FOXRED1: variants seen among roughly 807,000 people sequenced by gnomAD.
FOXRED1 encodes the protein FAD-dependent oxidoreductase domain-containing protein 1.
In FOXRED1, 52 loss-of-function variants were observed where a neutral mutation model predicts 57.8. The ratio of observed to expected loss-of-function variants is 0.90; its 90% CI spans 0.72 to 1.13. The LOEUF is 1.13. Among genes scored for constraint, FOXRED1 ranks in the 50% most tolerant of loss-of-function variants. FOXRED1 has a pLI of 0.00. For missense variants in FOXRED1, 589 were observed against 625.2 expected (o/e 0.94, Z 0.62); for synonymous variants, 271 against 248.3 (o/e 1.09, Z -0.86).
In FOXRED1 at chr11:126,272,944, C is replaced by G. The variant is rs758629736; in HGVS notation, c.307-25C>G. 8.6e-7 allele frequency: 1 copy of G among 1,162,782 alleles called. No homozygotes were observed. Among genetic ancestry groups the G allele is most frequent in the African/African-American group, 1.5e-5 (1 of 66,450 alleles). The allele number at this position is 1,162,782 out of a possible 1,614,324, so 72.0% of individuals were successfully genotyped here. A position where few individuals can be genotyped will look rare whatever the true frequency, so the allele number is the denominator to read the frequency against. ...CACATGTGATAGGGTACTGGTCTAC[C>G]TCAACTTTTCTTGTCTTTCCACAGT... On this transcript the variant is annotated intron_variant, in intron 2 of 10. Transcript: ENST00000263578. This position sits in a 1 kb window ranked among gnomAD's most constrained non-coding sequence, Gnocchi z 4.6.
In FOXRED1 at chr11:126,273,154, C is replaced by A; in HGVS notation, c.417+75C>A. 1 of 1,025,318 alleles carries A rather than the reference C, an allele frequency of 9.8e-7. No individual in the cohort carries two copies. The allele number at this position is 1,025,318 out of a possible 1,614,324, so 63.5% of individuals were successfully genotyped here. Reference sequence around the variant, plus strand: ...CCAGAGTGGGGAGCAGCCCAGCTAGCAAGGTAGCCAGAGAGCAAGAATGGG... The same window carrying A: ...CCAGAGTGGGGAGCAGCCCAGCTAGAAAGGTAGCCAGAGAGCAAGAATGGG... On this transcript the variant is annotated intron_variant, in intron 3 of 10. Transcript: ENST00000263578. The surrounding 1 kb of genome is among the most constrained non-coding windows in gnomAD (Gnocchi z 5.9).
Position 126,271,151 on chromosome 11 carries a change from G to T in FOXRED1, c.86-286G>T, listed in dbSNP as rs1465953518. 2.5e-6 allele frequency: 1 copy of T among 396,022 alleles called. No individual in the cohort carries two copies. Among genetic ancestry groups the T allele is most frequent in the East Asian group, 5.9e-5 (1 of 17,056 alleles). 24.5% of individuals were successfully genotyped at this position (396,022 alleles called of 1,614,324 possible). On this transcript the variant is annotated intron_variant, in intron 1 of 10. Coordinates refer to ENST00000263578, the MANE Select transcript of FOXRED1 (RefSeq NM_017547.4). The surrounding 1 kb of genome is among the most constrained non-coding windows in gnomAD (Gnocchi z 5.3). ...GATGACAGTGCAGTTGAATATGTGA[G>T]TTGGGATCAGGAGAGGTCTATGCAG...
chr11:126,269,404 T>C (rs1950909456), intron 1 of FOXRED1, 113 bp downstream of exon 1: 1 of 1,590,608 alleles, frequency 6.3e-7, no homozygotes, highest in East Asian at 2.3e-5. Flanking sequence ...GTGGGTCGGC[T>C]TGGGGAAGGG....
Position 126,275,590 on chromosome 11 carries a change from T to G in FOXRED1, c.733+162T>G, listed in dbSNP as rs1463268685. 1.6e-5 allele frequency: 12 copies of G among 727,888 alleles called. No individual in the cohort carries two copies. Among genetic ancestry groups the G allele is most frequent in the Middle Eastern group, 6.2e-4 (2 of 3,210 alleles). 45.1% of individuals were successfully genotyped at this position (727,888 alleles called of 1,614,324 possible). A position where few individuals can be genotyped will look rare whatever the true frequency, so the allele number is the denominator to read the frequency against. ...GCTCCTCACTGATCTGCGTTGTGAC[T>G]TGTGATCTGCTTGATGATTGCACCT... On this transcript the variant is annotated intron_variant, in intron 6 of 10. Transcript: ENST00000263578. This position sits in a 1 kb window ranked among gnomAD's most constrained non-coding sequence, Gnocchi z 5.9.
Position 126,275,752 on chromosome 11 carries a change from T to C in FOXRED1, c.734-42T>C. On this transcript the variant is annotated intron_variant, in intron 6 of 10. Coordinates refer to ENST00000263578, the MANE Select transcript of FOXRED1 (RefSeq NM_017547.4). The surrounding 1 kb of genome is among the most constrained non-coding windows in gnomAD (Gnocchi z 5.9). ...CAGTGAAATCCCCATTTCATTCCTC[T>C]TCAGCACCTCTACGGCCTATTTTTC... The C allele has an allele frequency of 7.5e-7, 1 of 1,340,530 alleles. No homozygotes were observed. Among genetic ancestry groups the C allele is most frequent in the Non-Finnish European group, 1.1e-6 (1 of 931,502 alleles). The allele number at this position is 1,340,530 out of a possible 1,614,324, so 83.0% of individuals were successfully genotyped here.
Position 126,276,537 on chromosome 11 carries a change from G to T in FOXRED1, c.1101+14G>T. 1 of 1,602,116 alleles carries T rather than the reference G, an allele frequency of 6.2e-7. No homozygotes were observed. The highest frequency in any genetic ancestry group is 8.5e-7 in the Non-Finnish European group (1 of 1,173,078). The stretch of plus-strand genomic sequence containing the variant: ...AGCCCCACTGAGGTAAGCTGAGTGG[G>T]GTGGGACATGCTGGCAAGGAGACAT... On this transcript the variant is annotated intron_variant, in intron 9 of 10. Coordinates refer to ENST00000263578, the MANE Select transcript of FOXRED1 (RefSeq NM_017547.4).
In FOXRED1 at chr11:126,273,375, C is replaced by A; in HGVS notation, c.457C>A (p.Arg153=). 6.2e-7 allele frequency: 1 copy of A among 1,614,024 alleles called. No individual in the cohort carries two copies. Among genetic ancestry groups the A allele is most frequent in the Non-Finnish European group, 8.5e-7 (1 of 1,180,006 alleles). The change falls in exon 4 of 11, where the codon CGG becomes AGG. Residue 153 remains arginine (R), a synonymous_variant. Coordinates refer to ENST00000263578, the MANE Select transcript of FOXRED1 (RefSeq NM_017547.4). This position sits in a 1 kb window ranked among gnomAD's most constrained non-coding sequence, Gnocchi z 5.9. ...AVVDAPPLDL[R]FNPSGYLLLA... is the part of the protein sequence containing the mutation. ...AGTCGATGCTCCTCCCCTGGACCTC[C>A]GGTTCAACCCCTCGGGCTACCTCTT...
rs1472359998 is a variant in FOXRED1, at chr11:126,275,638, G to A, written c.734-156G>A. 1 of 725,092 alleles carries A rather than the reference G, an allele frequency of 1.4e-6. No homozygotes were observed. Among genetic ancestry groups the A allele is most frequent in the East Asian group, 2.7e-5 (1 of 37,350 alleles). 44.9% of individuals were successfully genotyped at this position (725,092 alleles called of 1,614,324 possible). A position where few individuals can be genotyped will look rare whatever the true frequency, so the allele number is the denominator to read the frequency against. On this transcript the variant is annotated intron_variant, in intron 6 of 10. Transcript: ENST00000263578. The surrounding 1 kb of genome is among the most constrained non-coding windows in gnomAD (Gnocchi z 5.9). ...CCTGAGCACTGTCCTGTCAGAGTGTGGCCAAGCTCATGCCAGCTCCCTCAT... is the reference window on the plus strand; with the variant it reads ...CCTGAGCACTGTCCTGTCAGAGTGTAGCCAAGCTCATGCCAGCTCCCTCAT...
In FOXRED1 at chr11:126,275,369, A is replaced by G. The variant is rs1407778009; in HGVS notation, c.674A>G (p.Gln225Arg). ...EGWFDPWCLL[Q>R]GLRRKVQSLG... is the part of the protein sequence containing the mutation. ...TGGTTTGACCCCTGGTGTCTGCTCC[A>G]GGGGCTTCGGCGAAAGGTCCAGTCC... Residue 225 changes from glutamine to arginine, a missense_variant, in exon 6 of 11, where the codon CAG becomes CGG. Coordinates refer to ENST00000263578, the MANE Select transcript of FOXRED1 (RefSeq NM_017547.4). This position sits in a 1 kb window ranked among gnomAD's most constrained non-coding sequence, Gnocchi z 5.9. 1 of 1,614,054 alleles carries G rather than the reference A, an allele frequency of 6.2e-7. No homozygotes were observed. Among genetic ancestry groups the G allele is most frequent in the Non-Finnish European group, 8.5e-7 (1 of 1,179,952 alleles).
chr11:126,275,683 T>C lies in FOXRED1; in HGVS notation c.734-111T>C. ...CCTCATCTCTGTTTGCTTCAGTGTC[T>C]GTGGGAAAGCTCCCATCCTTCCAGC... On this transcript the variant is annotated intron_variant, in intron 6 of 10. Coordinates refer to ENST00000263578, the MANE Select transcript of FOXRED1 (RefSeq NM_017547.4). The surrounding 1 kb of genome is among the most constrained non-coding windows in gnomAD (Gnocchi z 5.9). The C allele has an allele frequency of 1.2e-6, 1 of 806,780 alleles. No individual in the cohort carries two copies. Among genetic ancestry groups the C allele is most frequent in the Non-Finnish European group, 2.1e-6 (1 of 472,594 alleles). The allele number at this position is 806,780 out of a possible 1,614,324, so 50.0% of individuals were successfully genotyped here. A position where few individuals can be genotyped will look rare whatever the true frequency, so the allele number is the denominator to read the frequency against.
Position 126,277,095 on chromosome 11 carries a change from C to A in FOXRED1, c.1126C>A (p.Leu376Met). The A allele has an allele frequency of 1.9e-6, 3 of 1,613,382 alleles. No individual in the cohort carries two copies. Among genetic ancestry groups the A allele is most frequent in the Non-Finnish European group, 2.5e-6 (3 of 1,179,708 alleles). Residue 376 changes from leucine to methionine, a missense_variant, in exon 10 of 11, where the codon CTG (leucine) becomes ATG (methionine). Leu to Met is a conservative substitution (Grantham distance 15, BLOSUM62 2). Transcript: ENST00000263578. The surrounding 1 kb of genome is among the most constrained non-coding windows in gnomAD (Gnocchi z 6.8). The stretch of plus-strand genomic sequence containing the variant: ...GCAGGAAGAACCGGACCCGGCGAAC[C>A]TGGAAGTGGACCATGATTTCTTCCA... Reference protein sequence around the residue: ...TEQEEPDPANLEVDHDFFQDK... With the variant: ...TEQEEPDPANMEVDHDFFQDK...
chr11:126,275,836 A>C lies in FOXRED1; in HGVS notation c.776A>C (p.Lys259Thr). 6.2e-7 allele frequency: 1 copy of C among 1,613,160 alleles called. No individual in the cohort carries two copies. Among genetic ancestry groups the C allele is most frequent in the Non-Finnish European group, 8.5e-7 (1 of 1,179,222 alleles). ...CAACGCATGTTGACCACAGATGACA[A>C]AGCGGTGGTCTTGAAAAGGATCCAT... ...SSQRMLTTDD[K>T]AVVLKRIHEV... The change falls in exon 7 of 11, where the codon AAA becomes ACA. Residue 259 changes from lysine to threonine, a missense_variant. Lys to Thr is a moderately conservative substitution (Grantham distance 78). Coordinates refer to ENST00000263578, the MANE Select transcript of FOXRED1 (RefSeq NM_017547.4). This position sits in a 1 kb window ranked among gnomAD's most constrained non-coding sequence, Gnocchi z 5.9.
At position 126,275,913 on chromosome 11, in the gene FOXRED1, C is replaced by T; in HGVS notation, c.810+43C>T. 6.5e-7 allele frequency: 1 copy of T among 1,542,552 alleles called. No individual in the cohort carries two copies. The highest frequency in any genetic ancestry group is 1.1e-5 in the South Asian group (1 of 89,640). On this transcript the variant is annotated intron_variant, in intron 7 of 10. Transcript: ENST00000263578. This position sits in a 1 kb window ranked among gnomAD's most constrained non-coding sequence, Gnocchi z 5.9. ...GATGTCCTTTACCAAAATGGAGGGA[C>T]AGGGAAGGTAGTGACTCTCCTTGTT...
At position 126,273,037 on chromosome 11, in the gene FOXRED1, C is replaced by T. The variant is rs1473793991; in HGVS notation, c.375C>T (p.Ile125=). Reference sequence around the variant, plus strand: ...AGCAGTTCTCATTGCCTGAGAACATCCAGCTCTCCCTCTTTTCAGCCAGCT... The same window carrying T: ...AGCAGTTCTCATTGCCTGAGAACATTCAGCTCTCCCTCTTTTCAGCCAGCT... The part of the protein sequence containing the change: ...ICQQFSLPEN[I]QLSLFSASFL... The change falls in exon 3 of 11, where the codon ATC becomes ATT. Residue 125 remains isoleucine (I), a synonymous_variant. Coordinates refer to ENST00000263578, the MANE Select transcript of FOXRED1 (RefSeq NM_017547.4). The surrounding 1 kb of genome is among the most constrained non-coding windows in gnomAD (Gnocchi z 5.9). 1 of 1,605,754 alleles carries T rather than the reference C, an allele frequency of 6.2e-7. No individual in the cohort carries two copies. The highest frequency in any genetic ancestry group is 2.2e-5 in the East Asian group (1 of 44,854).
Position 126,274,858 on chromosome 11 carries a change from G to T in FOXRED1, c.537-69G>T. 2 of 900,948 alleles carry T rather than the reference G, an allele frequency of 2.2e-6. No homozygotes were observed. Among genetic ancestry groups the T allele is most frequent in the Non-Finnish European group, 3.8e-6 (2 of 528,562 alleles). The allele number at this position is 900,948 out of a possible 1,614,324, so 55.8% of individuals were successfully genotyped here. ...TGGACTCCCCACTTGTGGAGTTGGG[G>T]TCCATACATCATCCCCCTGCACACT... On this transcript the variant is annotated intron_variant, in intron 4 of 10. Transcript: ENST00000263578. This position sits in a 1 kb window ranked among gnomAD's most constrained non-coding sequence, Gnocchi z 4.8.
At chr11:126,269,387 C>CA in intron 1 of FOXRED1, 96 bp downstream of exon 1, 2 of 1,606,320 alleles carry the variant, frequency 1.2e-6, no homozygotes, top group South Asian at 2.2e-5. Flanking sequence ...CCCACACTGG[C>CA]AGGACAGTGG....
At chr11:126,270,008 A>AG (rs1950935574) in intron 1 of FOXRED1, among the ~76,000 whole-genome samples, 2 of 150,904 alleles carry the variant, frequency 1.3e-5, no homozygotes, top group East Asian at 3.9e-4. Context: ...AAAAAAAAAA[A>AG]AGATTAGCTA....
rs1049803068 is a variant in FOXRED1, at chr11:126,272,189, G to A, written c.306+532G>A. On this transcript the variant is annotated intron_variant, in intron 2 of 10. Transcript: ENST00000263578. The surrounding 1 kb of genome is among the most constrained non-coding windows in gnomAD (Gnocchi z 4.6). The stretch of plus-strand genomic sequence containing the variant: ...GTTGCCTAGGCTGGTCTTGAACTCC[G>A]AACCTCAAGTGATCTGCCCGCCTTG... 1.2e-4 allele frequency among the ~76,000 whole-genome samples: 18 copies of A among 152,040 alleles called. No individual in the cohort carries two copies. The highest frequency in any genetic ancestry group is 3.9e-4 in the African/African-American group (16 of 41,412).
In FOXRED1 at chr11:126,273,790, G is replaced by A; in HGVS notation, c.536+336G>A. 1.4e-5 allele frequency: 5 copies of A among 369,996 alleles called. No homozygotes were observed. Among genetic ancestry groups the A allele is most frequent in the Non-Finnish European group, 2.6e-5 (5 of 192,330 alleles). 22.9% of individuals were successfully genotyped at this position (369,996 alleles called of 1,614,324 possible). A position where few individuals can be genotyped will look rare whatever the true frequency, so the allele number is the denominator to read the frequency against. On this transcript the variant is annotated intron_variant, in intron 4 of 10. Transcript: ENST00000263578. This position sits in a 1 kb window ranked among gnomAD's most constrained non-coding sequence, Gnocchi z 5.9. ...AGTCAGGAGTTAGCAAACTTTTTCT[G>A]TAAAGGGCCAGATAGTATATATTTT...
Sources: gnomAD v4.1 joint callset for allele counts (sites outside exome capture counted in the v4.1 genomes callset) on GRCh38, gnomAD v4.1.1 for gene constraint, Gnocchi (gnomAD v3.1) non-coding constraint, MANE v1.5 for transcripts, NCBI Gene and HGNC (gene_info 2026-07-23, HGNC 2026-07-21) for gene names.